Variants in TANC2 observed in about 807,000 individuals in gnomAD.
TANC2 encodes the protein protein TANC2.
A neutral mutation model predicts 210.5 loss-of-function variants in TANC2; 26 were observed. The ratio of observed to expected loss-of-function variants is 0.12; its 90% CI spans 0.09 to 0.17. The LOEUF is 0.17. Among genes scored for constraint, TANC2 ranks in the 10% least tolerant of loss-of-function variants. TANC2 has a pLI of 1.00. For synonymous variants in TANC2, 931 were observed against 967.1 expected (o/e 0.96, Z 0.69); for missense variants, 2,129 against 2,608.9 (o/e 0.82, Z 4.01).
intron 11 of TANC2, among the ~76,000 whole-genome samples, chr17:63,339,310 C>T (rs1000881683): frequency 6.6e-6 from 1 of 152,146 alleles, no homozygotes; most frequent in Non-Finnish European, 1.5e-5. Flanking sequence ...AGATTAAAAT[C>T]CCCTTTGTAC....
intron 2 of TANC2, among the ~76,000 whole-genome samples, chr17:63,062,153 C>T (rs1255177547): frequency 6.6e-6 from 1 of 151,750 alleles, no homozygotes; most frequent in Admixed American, 6.6e-5. Context: ...CTTTCCTTTC[C>T]TGTCTTTGGG....
chr17:63,207,541 T>C (rs1159366186), intron 7 of TANC2, among the ~76,000 whole-genome samples: 7 of 152,214 alleles, frequency 4.6e-5, no homozygotes, highest in African/African-American at 2.4e-5. Context: ...CTTACTGTTA[T>C]GTACCTCAGA....
intron 9 of TANC2, among the ~76,000 whole-genome samples, chr17:63,311,868 T>C (rs72845256): frequency 0.14 from 21,568 of 152,188 alleles, 1,973 homozygotes; most frequent in Middle Eastern, 0.21. Context: ...ATTCTGTTTA[T>C]ATGAAATGTC....
chr17:63,231,067 T>G (rs897181634), intron 7 of TANC2, among the ~76,000 whole-genome samples: 5 of 152,224 alleles, frequency 3.3e-5, no homozygotes, highest in African/African-American at 1.2e-4. Context: ...AAGTCTGTTT[T>G]GTCAGAGACT....
At chr17:63,314,557 G>A (rs1251087367) in exon 10 of TANC2, 1 of 1,613,904 alleles carries the variant, frequency 6.2e-7, no homozygotes, top group Admixed American at 1.7e-5. Flanking sequence ...TAGTGATTGT[G>A]GGAAACATTG....
At chr17:63,342,336 G>A (rs1486217512) in intron 12 of TANC2, among the ~76,000 whole-genome samples, 11 of 151,972 alleles carry the variant, frequency 7.2e-5, no homozygotes, top group Admixed American at 7.2e-4. Context: ...ATTGAAATTA[G>A]GAACTTTGTA....
At chr17:63,304,775 C>T (rs1024165022) in intron 9 of TANC2, among the ~76,000 whole-genome samples, 5 of 152,130 alleles carry the variant, frequency 3.3e-5, no homozygotes, top group African/African-American at 1.2e-4. Context: ...ATCCCTGAGT[C>T]CCTGGCTGGA....
intron 7 of TANC2, among the ~76,000 whole-genome samples, chr17:63,207,211 CTT>C (rs948663767): frequency 1.3e-4 from 15 of 113,792 alleles, no homozygotes; most frequent in Middle Eastern, 6.2e-3. Flanking sequence ...TTTTTTTTTC[CTT>C]TTTTTTTTTT....
intron 8 of TANC2, among the ~76,000 whole-genome samples, chr17:63,260,143 A>G (rs2043313989): frequency 6.6e-6 from 1 of 152,236 alleles, no homozygotes; most frequent in South Asian, 2.1e-4. Context: ...GTGGGAAGGA[A>G]GGAGGCACTC....
intron 8 of TANC2, among the ~76,000 whole-genome samples, chr17:63,254,869 T>C (rs1212308614): frequency 6.6e-6 from 1 of 152,040 alleles, no homozygotes; most frequent in Non-Finnish European, 1.5e-5. Flanking sequence ...TTGTTGAATT[T>C]GTTTTGCTAG....
At chr17:63,221,251 C>G (rs1046172064) in intron 7 of TANC2, among the ~76,000 whole-genome samples, 1 of 151,728 alleles carries the variant, frequency 6.6e-6, no homozygotes, top group Admixed American at 6.6e-5. Context: ...GCCAACATGG[C>G]AAAACCCTGT....
At chr17:63,364,716 G>A (rs1396218867) in intron 14 of TANC2, among the ~76,000 whole-genome samples, 1 of 151,904 alleles carries the variant, frequency 6.6e-6, no homozygotes, top group Non-Finnish European at 1.5e-5. Flanking sequence ...GAGGCCAGGA[G>A]TTCAAGGTTA....
intron 1 of TANC2, among the ~76,000 whole-genome samples, chr17:63,004,504 A>G (rs150011878): frequency 1.2e-3 from 180 of 152,108 alleles, no homozygotes; most frequent in African/African-American, 3.6e-3. Context: ...CCTTACATCA[A>G]TCCAGCTTTG....
At chr17:63,056,614 G>A (rs968910643) in intron 2 of TANC2, among the ~76,000 whole-genome samples, 19 of 152,172 alleles carry the variant, frequency 1.2e-4, no homozygotes, top group African/African-American at 3.1e-4. Flanking sequence ...AGGAGGTGGA[G>A]GTTGCAGTGA....
At chr17:63,347,157 A>G (rs1261792860) in intron 12 of TANC2, among the ~76,000 whole-genome samples, 4 of 152,244 alleles carry the variant, frequency 2.6e-5, no homozygotes, top group Non-Finnish European at 5.9e-5. Context: ...CAAAAACTGG[A>G]AACAGCCCAA....
At chr17:62,983,853 A>G (rs1035280004) in intron 1 of TANC2, among the ~76,000 whole-genome samples, 1 of 151,866 alleles carries the variant, frequency 6.6e-6, no homozygotes, top group Non-Finnish European at 1.5e-5. Context: ...TTGATGTGTT[A>G]CTGGATTTGG....
intron 7 of TANC2, among the ~76,000 whole-genome samples, chr17:63,229,720 C>A (rs1182504772): frequency 6.7e-6 from 1 of 150,324 alleles, no homozygotes; most frequent in African/African-American, 2.4e-5. Context: ...TCTAGATTTT[C>A]TAGTTTATTT....
intron 1 of TANC2, among the ~76,000 whole-genome samples, chr17:62,982,894 G>A (rs2032374765): frequency 6.6e-6 from 1 of 152,190 alleles, no homozygotes; most frequent in South Asian, 2.1e-4. Flanking sequence ...GTCTGGTAGT[G>A]TGATTTCTCC....
At chr17:63,020,588 C>T (rs868812992) in intron 2 of TANC2, among the ~76,000 whole-genome samples, 1 of 152,146 alleles carries the variant, frequency 6.6e-6, no homozygotes, top group African/African-American at 2.4e-5. Flanking sequence ...TCATTAAGTA[C>T]TAAGTATAGT....
Sources: gnomAD v4.1 joint callset for allele counts (sites outside exome capture counted in the v4.1 genomes callset) on GRCh38, gnomAD v4.1.1 for gene constraint, MANE v1.5 for transcripts, NCBI Gene and HGNC (gene_info 2026-07-23, HGNC 2026-07-21) for gene names.